The following C1QTNF7 variants were observed in gnomAD, a reference collection of about 807,000 sequenced individuals.
C1QTNF7 encodes the protein complement C1q tumor necrosis factor-related protein 7.
Under a neutral mutation model 19.6 loss-of-function variants are expected in C1QTNF7, and 15 were observed. That is an observed-to-expected ratio of 0.76 (90% confidence interval 0.51 to 1.18). The LOEUF (loss-of-function observed/expected upper bound fraction) is 1.18. Ranked by LOEUF, C1QTNF7 falls within the 50% of genes most tolerant of loss-of-function variation. C1QTNF7 has a pLI of 0.00. For missense variants in C1QTNF7, 324 were observed against 359.7 expected, an observed-to-expected ratio of 0.90 and a Z score of 0.80; for synonymous variants, 142 against 137.5, an observed-to-expected ratio of 1.03 and a Z score of -0.23.
chr4:15,408,068 A>T (rs1377962034), intron 1 of C1QTNF7, among the ~76,000 whole-genome samples: 2 of 152,110 alleles, frequency 1.3e-5, no homozygotes, highest in Non-Finnish European at 1.5e-5. Flanking sequence ...GGAGTTCGAG[A>T]GCAGCCTGGC....
intron 1 of C1QTNF7, among the ~76,000 whole-genome samples, chr4:15,382,456 C>T (rs201360334): frequency 1.6e-4 from 24 of 152,084 alleles, no homozygotes; most frequent in African/African-American, 5.5e-4. Context: ...TTCTTGTTCA[C>T]GAATGAATGC....
At chr4:15,424,203 T>C (rs1711931632), upstream of C1QTNF7, among the ~76,000 whole-genome samples, 1 of 152,234 alleles carries the variant, frequency 6.6e-6, no homozygotes, top group South Asian at 2.1e-4. Flanking sequence ...TCAAATTTTC[T>C]ATTTTATATC....
intron 1 of C1QTNF7, among the ~76,000 whole-genome samples, chr4:15,386,773 G>A (rs908795717): frequency 1.3e-5 from 2 of 152,190 alleles, no homozygotes; most frequent in Admixed American, 6.5e-5. Flanking sequence ...CCCATGGCAG[G>A]AGCATGCACA....
At chr4:15,413,596 G>A (rs1437461930) in intron 1 of C1QTNF7, among the ~76,000 whole-genome samples, 5 of 152,188 alleles carry the variant, frequency 3.3e-5, no homozygotes, top group African/African-American at 4.8e-5. Flanking sequence ...TAACCAATTT[G>A]TTGAGCTCTT....
At chr4:15,352,873 A>T (rs1163783235) in intron 1 of C1QTNF7, among the ~76,000 whole-genome samples, 1 of 152,184 alleles carries the variant, frequency 6.6e-6, no homozygotes, top group Non-Finnish European at 1.5e-5. Flanking sequence ...TGCTGAAATC[A>T]AATCTCTACA....
chr4:15,431,094 ATAGATAG>A (rs1712288752), intron 1 of C1QTNF7, among the ~76,000 whole-genome samples: 3 of 152,122 alleles, frequency 2.0e-5, no homozygotes, highest in Admixed American at 2.0e-4. Flanking sequence ...AGATAGATAG[ATAGATAG>A]ATAGATTCAT....
At chr4:15,436,831 G>A (rs1712558448) in intron 2 of C1QTNF7, among the ~76,000 whole-genome samples, 1 of 152,144 alleles carries the variant, frequency 6.6e-6, no homozygotes. Context: ...ACAAAAGATA[G>A]GAAGGAAAAA....
intron 2 of C1QTNF7, among the ~76,000 whole-genome samples, chr4:15,437,988 G>A (rs537094995): frequency 2.0e-5 from 3 of 152,280 alleles, no homozygotes; most frequent in South Asian, 2.1e-4. Context: ...TTCTTGCCTT[G>A]ATAAGCAGAC....
chr4:15,438,617 T>C (rs1712629997), intron 2 of C1QTNF7, among the ~76,000 whole-genome samples: 1 of 152,236 alleles, frequency 6.6e-6, no homozygotes, highest in Non-Finnish European at 1.5e-5. Flanking sequence ...CAATTATTAC[T>C]GTAGCATAAT....
chr4:15,345,449 T>C (rs1716684197), intron 1 of C1QTNF7, among the ~76,000 whole-genome samples: 1 of 152,186 alleles, frequency 6.6e-6, no homozygotes, highest in Non-Finnish European at 1.5e-5. Flanking sequence ...CCCCAGTCTT[T>C]CCAGGTGTGA....
intron 1 of C1QTNF7, among the ~76,000 whole-genome samples, chr4:15,395,092 G>A (rs764332058): frequency 6.6e-6 from 1 of 152,214 alleles, no homozygotes; most frequent in Non-Finnish European, 1.5e-5. Context: ...GGCTGGTCAG[G>A]GGGCAGAAGG....
At chr4:15,439,532 C>A (rs1234442722) in intron 2 of C1QTNF7, among the ~76,000 whole-genome samples, 1 of 152,160 alleles carries the variant, frequency 6.6e-6, no homozygotes, top group African/African-American at 2.4e-5. Flanking sequence ...CTGCTTTGCC[C>A]AGTAAGTTTG....
intron 1 of C1QTNF7, among the ~76,000 whole-genome samples, chr4:15,359,626 A>G (rs1717267175): frequency 1.3e-5 from 2 of 152,158 alleles, no homozygotes; most frequent in Admixed American, 6.5e-5. Flanking sequence ...TTCTCCCAAA[A>G]ACAGGGTGCT....
At chr4:15,386,273 T>C (rs1353523053) in intron 1 of C1QTNF7, among the ~76,000 whole-genome samples, 1 of 152,190 alleles carries the variant, frequency 6.6e-6, no homozygotes, top group East Asian at 1.9e-4. Flanking sequence ...TGGAGGAGGC[T>C]AGTACAGAAA....
intron 1 of C1QTNF7, among the ~76,000 whole-genome samples, chr4:15,383,910 G>A (rs1577248479): frequency 1.3e-5 from 2 of 152,352 alleles, no homozygotes; most frequent in East Asian, 3.9e-4. Context: ...CATTTGTGTA[G>A]GTTAAAAGCA....
rs74372681 is a variant in C1QTNF7, at chr4:15,417,766, C to A, written c.14-17970C>A. On this transcript the variant is annotated intron_variant, in intron 1 of 2. Coordinates refer to the C1QTNF7 transcript ENST00000295297. ...AAAGAAAAGAGGTTTAATTGGCTCACAGTTCTGCAAGCTGTATAAAAAGCA... is the reference window on the plus strand; with the variant it reads ...AAAGAAAAGAGGTTTAATTGGCTCAAAGTTCTGCAAGCTGTATAAAAAGCA... 6.3e-3 allele frequency among the ~76,000 whole-genome samples: 956 copies of A among 152,286 alleles called. 12 individuals are homozygous for A. The highest frequency in any genetic ancestry group is 0.022 in the African/African-American group (899 of 41,560).
intron 1 of C1QTNF7, among the ~76,000 whole-genome samples, chr4:15,388,267 A>G (rs905989868): frequency 6.6e-6 from 1 of 152,214 alleles, no homozygotes; most frequent in Non-Finnish European, 1.5e-5. Context: ...AGTATCATTG[A>G]TATGCAACAT....
At chr4:15,365,710 C>T (rs1453829092) in intron 1 of C1QTNF7, among the ~76,000 whole-genome samples, 1 of 152,180 alleles carries the variant, frequency 6.6e-6, no homozygotes, top group African/African-American at 2.4e-5. Context: ...CTCTTTCTCC[C>T]TCTGACTTCC....
At chr4:15,347,915 T>C (rs1716773380) in intron 1 of C1QTNF7, among the ~76,000 whole-genome samples, 1 of 152,168 alleles carries the variant, frequency 6.6e-6, no homozygotes, top group African/African-American at 2.4e-5. Flanking sequence ...AACTAAAAAG[T>C]GCCAGTTCCA....
Sources: gnomAD v4.1 joint callset for allele counts (sites outside exome capture counted in the v4.1 genomes callset) on GRCh38, gnomAD v4.1.1 for gene constraint, MANE v1.5 for transcripts, NCBI Gene and HGNC (gene_info 2026-07-23, HGNC 2026-07-21) for gene names.